The following CHEK2 variants were observed in gnomAD, a reference collection of about 807,000 sequenced individuals.
CHEK2 encodes the protein serine/threonine-protein kinase Chk2.
CHEK2 carries 71 observed loss-of-function variants against 69.1 expected under a neutral mutation model. That is an observed-to-expected ratio of 1.03 (90% confidence interval 0.85 to 1.25). The LOEUF (loss-of-function observed/expected upper bound fraction) is 1.25, where lower values mean the gene tolerates loss of function less well. CHEK2 is among the 50% of genes most tolerant of loss of function. CHEK2 has a pLI of 0.00. For synonymous variants in CHEK2, 189 were observed against 226.9 expected, an observed-to-expected ratio of 0.83 and a Z score of 1.50; for missense variants, 664 against 649.6, an observed-to-expected ratio of 1.02 and a Z score of -0.24.
chr22:28,718,257 A>G (rs1367277216), intron 5 of CHEK2, among the ~76,000 whole-genome samples: 1 of 152,208 alleles, frequency 6.6e-6, no homozygotes, highest in Non-Finnish European at 1.5e-5. Flanking sequence ...AATGGCTATT[A>G]TCAAAAAGAT....
At chr22:28,706,594 C>T (rs926785151) in intron 7 of CHEK2, among the ~76,000 whole-genome samples, 8 of 152,114 alleles carry the variant, frequency 5.3e-5, no homozygotes, top group African/African-American at 1.9e-4. Flanking sequence ...TAGGCATGAG[C>T]CACCATGCAC....
In CHEK2 at chr22:28,732,839, C is replaced by T. The variant is rs150903933; in HGVS notation, c.319+1564G>A. On this transcript the variant is annotated intron_variant, in intron 2 of 14. Coordinates refer to ENST00000404276, the MANE Select transcript of CHEK2 (RefSeq NM_007194.4). ...GAAAAAAAACACTATTTTTTTTGGC[C>T]GGAGTGCAGTGGTGCAATCCTGGCT... Among the ~76,000 whole-genome samples, 1,133 of 151,830 alleles carry T rather than the reference C, an allele frequency of 7.5e-3. 16 individuals are homozygous for T. The highest frequency in any genetic ancestry group is 0.026 in the African/African-American group (1,092 of 41,440).
intron 14 of CHEK2, among the ~76,000 whole-genome samples, chr22:28,688,671 G>GA (rs914857068): frequency 5.0e-5 from 7 of 140,994 alleles, no homozygotes; most frequent in South Asian, 4.5e-4. Flanking sequence ...TCTGTCTCAA[G>GA]AAAAAAAAAA....
Position 28,725,043 on chromosome 22 carries a change from C to G in CHEK2, c.526G>C (p.Gly176Arg), listed in dbSNP as rs876661085. The change falls in exon 4 of 15, where the codon GGG (glycine) becomes CGG (arginine). Residue 176 changes from glycine to arginine, a missense_variant. By Grantham distance (125) the Gly-to-Arg change is moderately radical. Coordinates refer to ENST00000404276, the MANE Select transcript of CHEK2 (RefSeq NM_007194.4). ...NGTFVNTELV[G>R]KGKRRPLNNN... is the part of the protein sequence containing the mutation. ...TTCAAAGGACGGCGTTTTCCTTTCCCTACAAGCTCTGTATTTACAAAGGTT... is the reference window on the plus strand; with the variant it reads ...TTCAAAGGACGGCGTTTTCCTTTCCGTACAAGCTCTGTATTTACAAAGGTT... The G allele has an allele frequency of 6.2e-7, 1 of 1,614,090 alleles. No homozygotes were observed. Among genetic ancestry groups the G allele is most frequent in the Non-Finnish European group, 8.5e-7 (1 of 1,179,988 alleles).
intron 2 of CHEK2, chr22:28,730,601 TA>T: frequency 1.6e-6 from 1 of 641,296 alleles, no homozygotes; most frequent in Non-Finnish European, 2.9e-6. Flanking sequence ...CTCATGCCTG[TA>T]ATCCCAGCAC....
At chr22:28,720,699 G>GCAGGCACTTGTCTGGTGA (rs1309537386) in intron 4 of CHEK2, among the ~76,000 whole-genome samples, 8 of 152,192 alleles carry the variant, frequency 5.3e-5, no homozygotes, top group Non-Finnish European at 1.0e-4. Flanking sequence ...TACACAAGAG[G>GCAGGCACTTGTCTGGTGA]CAGGCACTTG....
intron 7 of CHEK2, among the ~76,000 whole-genome samples, chr22:28,709,656 G>T (rs543427123): frequency 6.6e-6 from 1 of 151,518 alleles, no homozygotes; most frequent in African/African-American, 2.4e-5. Context: ...TCACTCTGTC[G>T]CCCAGGCTGG....
In CHEK2 at chr22:28,704,662, G is replaced by A. The variant is rs17884002; in HGVS notation, c.847-1096C>T. ...CACCTATTGTTTTTACGATACAGAA[G>A]TCAGAAGACAGTTAAGCTCAGTGGG... On this transcript the variant is annotated intron_variant, in intron 7 of 14. Transcript: ENST00000404276. Among the ~76,000 whole-genome samples, 4 of 152,244 alleles carry A rather than the reference G, an allele frequency of 2.6e-5. No individual in the cohort carries two copies. The South Asian group carries it at 6.2e-4, about 24-fold the overall frequency.
intron 13 of CHEK2, among the ~76,000 whole-genome samples, chr22:28,690,567 G>C (rs1244414298): frequency 6.6e-6 from 1 of 150,584 alleles, no homozygotes; most frequent in African/African-American, 2.4e-5. Context: ...GGCGGAGGTT[G>C]CAGTAAGCCA....
chr22:28,724,403 C>T (rs1601820702), intron 4 of CHEK2, among the ~76,000 whole-genome samples: 1 of 151,346 alleles, frequency 6.6e-6, no homozygotes, highest in Admixed American at 6.6e-5. Flanking sequence ...TGCAAGACTC[C>T]GTCTAAAAAA....
At chr22:28,691,236 T>C (rs1218297302) in intron 13 of CHEK2, among the ~76,000 whole-genome samples, 1 of 152,156 alleles carries the variant, frequency 6.6e-6, no homozygotes, top group Non-Finnish European at 1.5e-5. Flanking sequence ...TCCCAGCACT[T>C]TGGGAGGCCA....
chr22:28,688,118 G>A, intron 14 of CHEK2, 132 bp from the exon 15 acceptor site: 1 of 726,868 alleles, frequency 1.4e-6, no homozygotes, highest in Non-Finnish European at 2.4e-6. Context: ...AAAATTACTG[G>A]TTGTCATCAT....
At chr22:28,689,380 T>C in intron 13 of CHEK2, 165 bp from the exon 14 acceptor site, 1 of 693,082 alleles carries the variant, frequency 1.4e-6, no homozygotes, top group Non-Finnish European at 2.7e-6. Flanking sequence ...TGCCCGCCTC[T>C]ACCTTCCCAG....
At chr22:28,702,783 G>A (rs1012152004) in intron 8 of CHEK2, among the ~76,000 whole-genome samples, 27 of 151,928 alleles carry the variant, frequency 1.8e-4, no homozygotes, top group African/African-American at 5.6e-4. Flanking sequence ...CTGACCTCAG[G>A]TGATCCACCC....
At chr22:28,722,024 C>T (rs2053804117) in intron 4 of CHEK2, among the ~76,000 whole-genome samples, 1 of 151,994 alleles carries the variant, frequency 6.6e-6, no homozygotes, top group African/African-American at 2.4e-5. Context: ...AGCTACCACG[C>T]CAGCCTATAA....
At chr22:28,713,580 T>C (rs2145966041) in intron 5 of CHEK2, among the ~76,000 whole-genome samples, 1 of 152,218 alleles carries the variant, frequency 6.6e-6, no homozygotes, top group South Asian at 2.1e-4. Flanking sequence ...ATGGTCTTGA[T>C]CTCCTGACCT....
intron 2 of CHEK2, among the ~76,000 whole-genome samples, chr22:28,727,440 C>A (rs1465838704): frequency 6.6e-6 from 1 of 152,118 alleles, no homozygotes; most frequent in African/African-American, 2.4e-5. Context: ...AATTACCTTG[C>A]TTATTTGTAT....
At chr22:28,721,100 C>A (rs1257828835) in intron 4 of CHEK2, among the ~76,000 whole-genome samples, 1 of 152,154 alleles carries the variant, frequency 6.6e-6, no homozygotes, top group Non-Finnish European at 1.5e-5. Context: ...TCAGTAAATG[C>A]CTAATAAAAT....
chr22:28,737,305 T>C (rs1221180280), intron 1 of CHEK2: 1 of 479,266 alleles, frequency 2.1e-6, no homozygotes, highest in Non-Finnish European at 4.3e-6. Context: ...TATTTCCATA[T>C]TAAATTGAGA....
Sources: gnomAD v4.1 joint callset for allele counts (sites outside exome capture counted in the v4.1 genomes callset) on GRCh38, gnomAD v4.1.1 for gene constraint, MANE v1.5 for transcripts, NCBI Gene and HGNC (gene_info 2026-07-23, HGNC 2026-07-21) for gene names.